The following HMGCLL1 variants were observed in gnomAD, a reference collection of about 807,000 sequenced individuals.
HMGCLL1 encodes 3-hydroxymethyl-3-methylglutaryl-CoA lyase, cytoplasmic.
In HMGCLL1, 36 loss-of-function variants were observed where a neutral mutation model predicts 39.1. The ratio of observed to expected loss-of-function variants is 0.92; its 90% CI spans 0.71 to 1.22. The LOEUF (loss-of-function observed/expected upper bound fraction) is 1.22. Ranked by LOEUF, HMGCLL1 falls within the 50% of genes most tolerant of loss-of-function variation. The pLI, the probability that HMGCLL1 is intolerant of heterozygous loss-of-function variation, is 0.00. For missense variants in HMGCLL1, 451 were observed against 416.5 expected (o/e 1.08, Z -0.72); for synonymous variants, 149 against 144.0 (o/e 1.03, Z -0.25).
rs142040031 is a variant in HMGCLL1, at chr6:55,524,005, G to A, written c.298-7402C>T. Reference sequence around the variant, plus strand: ...AAATAGAATATATCAAAATTCCTCCGTGTGAAGTGTGCAAAACTGTAGTAG... The same window carrying A: ...AAATAGAATATATCAAAATTCCTCCATGTGAAGTGTGCAAAACTGTAGTAG... On this transcript the variant is annotated intron_variant, in intron 3 of 8. Coordinates refer to ENST00000274901, the MANE Select transcript of HMGCLL1 (RefSeq NM_001042406.2). Among the ~76,000 whole-genome samples, 172 of 151,912 alleles carry A rather than the reference G, an allele frequency of 1.1e-3. No individual in the cohort carries two copies. In the East Asian group the frequency reaches 0.024, roughly 21 times the overall value.
At chr6:55,582,940 C>T (rs1389516053), upstream of HMGCLL1, among the ~76,000 whole-genome samples, 2 of 151,778 alleles carry the variant, frequency 1.3e-5, no homozygotes, top group Admixed American at 1.3e-4. Flanking sequence ...TAAAGTATAG[C>T]ATGTTATTTA....
At chr6:55,651,580 G>A in the HMGCLL1 span, among the ~76,000 whole-genome samples, 1 of 152,074 alleles carries the variant, frequency 6.6e-6, no homozygotes, top group Non-Finnish European at 1.5e-5. Context: ...CATTTCCTTA[G>A]CTGTGCCAGT....
chr6:55,615,348 C>T, the HMGCLL1 span, among the ~76,000 whole-genome samples: 104 of 152,154 alleles, frequency 6.8e-4, no homozygotes, highest in African/African-American at 2.4e-3. Context: ...ACTGCCCCAG[C>T]AGAAAAGACA....
intron 5 of HMGCLL1, among the ~76,000 whole-genome samples, chr6:55,506,635 G>A (rs1262557127): frequency 6.6e-6 from 1 of 151,668 alleles, no homozygotes; most frequent in African/African-American, 2.4e-5. Context: ...TATCCATGCT[G>A]TAGATGCACC....
chr6:55,658,186 C>T, the HMGCLL1 span, among the ~76,000 whole-genome samples: 1 of 151,882 alleles, frequency 6.6e-6, no homozygotes, highest in Non-Finnish European at 1.5e-5. Flanking sequence ...GAATAGATGA[C>T]AAATTTATGG....
At chr6:55,664,096 C>T in the HMGCLL1 span, among the ~76,000 whole-genome samples, 1 of 151,822 alleles carries the variant, frequency 6.6e-6, no homozygotes, top group Non-Finnish European at 1.5e-5. Context: ...TTGAAGACAG[C>T]ATACCGTTGG....
chr6:55,554,276 G>T (rs1770526523), intron 1 of HMGCLL1, among the ~76,000 whole-genome samples: 1 of 152,064 alleles, frequency 6.6e-6, no homozygotes, highest in South Asian at 2.1e-4. Context: ...CACAAGCTAG[G>T]CTTTAATTTC....
At chr6:55,630,379 C>A in the HMGCLL1 span, among the ~76,000 whole-genome samples, 2 of 152,006 alleles carry the variant, frequency 1.3e-5, no homozygotes, top group African/African-American at 2.4e-5. Flanking sequence ...CCTATTGTAT[C>A]TAGGAAGTAA....
intron 7 of HMGCLL1, among the ~76,000 whole-genome samples, chr6:55,493,010 G>A (rs781430446): frequency 2.5e-4 from 38 of 151,310 alleles, no homozygotes; most frequent in African/African-American, 6.8e-4. Context: ...ATAGTTTAGC[G>A]TAAGCCGAAG....
chr6:55,483,413 G>A (rs1261881671), intron 7 of HMGCLL1, among the ~76,000 whole-genome samples: 1 of 151,970 alleles, frequency 6.6e-6, no homozygotes, highest in Non-Finnish European at 1.5e-5. Flanking sequence ...CTATAGGCAC[G>A]TGCCACCATG....
At chr6:55,481,991 A>C (rs1765773118) in intron 7 of HMGCLL1, among the ~76,000 whole-genome samples, 1 of 152,018 alleles carries the variant, frequency 6.6e-6, no homozygotes, top group Non-Finnish European at 1.5e-5. Context: ...ATTTTTTCCC[A>C]GTGAACACAC....
chr6:55,530,386 T>G (rs1405500665), intron 3 of HMGCLL1, among the ~76,000 whole-genome samples: 3 of 151,980 alleles, frequency 2.0e-5, no homozygotes, highest in African/African-American at 7.2e-5. Context: ...TCAAAATATA[T>G]CTTATATATT....
At chr6:55,625,846 C>G in the HMGCLL1 span, among the ~76,000 whole-genome samples, 2 of 152,102 alleles carry the variant, frequency 1.3e-5, no homozygotes, top group African/African-American at 2.4e-5. Flanking sequence ...CATGTGAGTG[C>G]TCACCAGCGG....
At chr6:55,544,962 G>A (rs1237902399) in intron 1 of HMGCLL1, among the ~76,000 whole-genome samples, 1 of 152,074 alleles carries the variant, frequency 6.6e-6, no homozygotes, top group East Asian at 1.9e-4. Flanking sequence ...TTTACAAGAT[G>A]CCTATAATTT....
At chr6:55,566,492 T>A in intron 1 of HMGCLL1, 1 of 380,534 alleles carries the variant, frequency 2.6e-6, no homozygotes, top group Non-Finnish European at 5.3e-6. Flanking sequence ...AGGTGACATT[T>A]GAGGCACTTA....
the HMGCLL1 span, among the ~76,000 whole-genome samples, chr6:55,586,710 A>G: frequency 6.6e-6 from 1 of 152,120 alleles, no homozygotes; most frequent in East Asian, 1.9e-4. Context: ...CCATGTCCCT[A>G]TAAAGGACAT....
intron 3 of HMGCLL1, among the ~76,000 whole-genome samples, chr6:55,530,084 G>A (rs1193196380): frequency 6.7e-6 from 1 of 150,098 alleles, no homozygotes; most frequent in Non-Finnish European, 1.5e-5. Context: ...TGGGGGGCGG[G>A]GTGTGGATGA....
chr6:55,635,181 A>T, the HMGCLL1 span, among the ~76,000 whole-genome samples: 1 of 152,156 alleles, frequency 6.6e-6, no homozygotes, highest in Non-Finnish European at 1.5e-5. Flanking sequence ...GCCCATGACA[A>T]CAAAAATAGA....
chr6:55,672,160 AT>A, the HMGCLL1 span, among the ~76,000 whole-genome samples: 43 of 151,828 alleles, frequency 2.8e-4, no homozygotes, highest in African/African-American at 9.9e-4. Context: ...ACTGATCTTA[AT>A]TTTTTAATCT....
Sources: gnomAD v4.1 joint callset for allele counts (sites outside exome capture counted in the v4.1 genomes callset) on GRCh38, gnomAD v4.1.1 for gene constraint, MANE v1.5 for transcripts, NCBI Gene and HGNC (gene_info 2026-07-23, HGNC 2026-07-21) for gene names.